The following MYT1 variants were observed in gnomAD, a reference collection of about 807,000 sequenced individuals.
The protein encoded by MYT1 is myelin transcription factor 1, also known as myelin transcription factor I.
In MYT1, 23 loss-of-function variants were observed where a neutral mutation model predicts 123.0. That is an observed-to-expected ratio of 0.19 (90% confidence interval 0.13 to 0.26). MYT1 has a LOEUF of 0.26. Among genes scored for constraint, MYT1 ranks in the 10% least tolerant of loss-of-function variants. The pLI, the probability that MYT1 is intolerant of heterozygous loss-of-function variation, is 1.00. For synonymous variants in MYT1, 518 were observed against 575.3 expected, an observed-to-expected ratio of 0.90 and a Z score of 1.43; for missense variants, 1,125 against 1,472.5, an observed-to-expected ratio of 0.76 and a Z score of 3.86.
intron 6 of MYT1, among the ~76,000 whole-genome samples, chr20:64,206,884 G>A (rs539621677): frequency 6.6e-6 from 1 of 152,258 alleles, no homozygotes; most frequent in African/African-American, 2.4e-5. Context: ...GCCTGCATGT[G>A]GTGAGCACCT....
intron 2 of MYT1, 78 bp from the exon 3 acceptor site, chr20:64,198,784 C>T: frequency 2.7e-6 from 4 of 1,504,542 alleles, no homozygotes; most frequent in Non-Finnish European, 2.8e-6. Context: ...CAGAAAATGG[C>T]CAGACATTCC....
chr20:64,223,591 G>A (rs1984076864), intron 16 of MYT1, among the ~76,000 whole-genome samples: 1 of 152,016 alleles, frequency 6.6e-6, no homozygotes, highest in Admixed American at 6.5e-5. Flanking sequence ...CTCCGCTGGG[G>A]GCTAGGGGTC....
chr20:64,184,760 G>T (rs1041081284), intron 1 of MYT1, among the ~76,000 whole-genome samples: 12 of 152,198 alleles, frequency 7.9e-5, no homozygotes, highest in African/African-American at 2.9e-4. Flanking sequence ...GACCCTCAGG[G>T]TTCTGGCTTG....
At chr20:64,211,383 C>T (rs371816775) in intron 8 of MYT1, 43 bp downstream of exon 8, 12 of 1,576,644 alleles carry the variant, frequency 7.6e-6, no homozygotes, top group Middle Eastern at 1.7e-4. Context: ...GTGAAGCTCA[C>T]GCTGCCTCTG....
chr20:64,188,620 T>G (rs892674451), intron 1 of MYT1, among the ~76,000 whole-genome samples: 2 of 152,190 alleles, frequency 1.3e-5, no homozygotes, highest in African/African-American at 4.8e-5. Flanking sequence ...AATCTTCCAA[T>G]ATGCTTTTCC....
At chr20:64,201,639 G>T (rs1298800956) in intron 4 of MYT1, among the ~76,000 whole-genome samples, 1 of 152,216 alleles carries the variant, frequency 6.6e-6, no homozygotes, top group African/African-American at 2.4e-5. Context: ...CCCAGCCATC[G>T]TGGGAGCATT....
intron 14 of MYT1, among the ~76,000 whole-genome samples, 196 bp from the exon 15 acceptor site, chr20:64,222,915 C>T (rs944789645): frequency 2.6e-5 from 4 of 152,224 alleles, no homozygotes; most frequent in African/African-American, 9.6e-5. Flanking sequence ...ACTTTTTCTT[C>T]TTGAGTTAAG....
intron 1 of MYT1, among the ~76,000 whole-genome samples, chr20:64,165,294 A>C (rs1209668729): frequency 2.0e-5 from 3 of 152,104 alleles, no homozygotes; most frequent in Non-Finnish European, 2.9e-5. Flanking sequence ...TCTAGGGTGC[A>C]TGCGTCTGTG....
intron 4 of MYT1, among the ~76,000 whole-genome samples, chr20:64,204,612 C>T (rs1434389416): frequency 6.6e-6 from 1 of 152,186 alleles, no homozygotes; most frequent in South Asian, 2.1e-4. Context: ...CTGTTACCCT[C>T]GAGGGCCATA....
chr20:64,235,377 C>G (rs538849568), intron 19 of MYT1, among the ~76,000 whole-genome samples: 1 of 123,146 alleles, frequency 8.1e-6, no homozygotes, highest in Non-Finnish European at 1.6e-5. Flanking sequence ...TGACACTGGG[C>G]TGGTGGTGGT....
chr20:64,211,451 C>CT (rs1157511314), intron 8 of MYT1, 111 bp downstream of exon 8: 1 of 1,179,004 alleles, frequency 8.5e-7, no homozygotes, highest in Non-Finnish European at 1.2e-6. Context: ...TAACCTTCCC[C>CT]TTTGGTTTGT....
Position 64,191,266 on chromosome 20 carries a change from C to A in MYT1, c.-1+1106C>A, listed in dbSNP as rs1393176314. ...CTTCCCAGGGTATAAGATCTCCCTT[C>A]GGGGACACTCCCGAACTGTGACATC... On this transcript the variant is annotated intron_variant, in intron 2 of 22. Transcript: ENST00000328439. The surrounding 1 kb of genome is among the most constrained non-coding windows in gnomAD (Gnocchi z 4.1). Among the ~76,000 whole-genome samples, 1 of 152,154 alleles carries A rather than the reference C, an allele frequency of 6.6e-6. No individual in the cohort carries two copies. Among genetic ancestry groups the A allele is most frequent in the Non-Finnish European group, 1.5e-5 (1 of 68,030 alleles).
At position 64,219,785 on chromosome 20, in the gene MYT1, G is replaced by C; in HGVS notation, c.2044G>C (p.Ala682Pro). 6 of 1,614,162 alleles carry C rather than the reference G, an allele frequency of 3.7e-6. No individual in the cohort carries two copies. In the South Asian group the frequency reaches 6.6e-5, roughly 18 times the overall value. Reference sequence around the variant, plus strand: ...GCACAAACACCGCAAACGAGAAAATGCTTTCCCCAGCAGCAGCAGCTGCAG... The same window carrying C: ...GCACAAACACCGCAAACGAGAAAATCCTTTCCCCAGCAGCAGCAGCTGCAG... ...SMHKHRKREN[A>P]FPSSSSCSSS... is the part of the protein sequence containing the mutation. Residue 682 changes from alanine (A) to proline (P), a missense_variant, in exon 13 of 23, where the codon GCT becomes CCT. Around this residue, in one of 4 missense-constraint regions of MYT1, gnomAD observed 429 missense variants for 604.1 expected, o/e 0.71. Coordinates refer to ENST00000328439, the MANE Select transcript of MYT1 (RefSeq NM_004535.3).
Position 64,237,605 on chromosome 20 carries a change from C to T in MYT1, c.3093+215C>T, listed in dbSNP as rs772416875. Among the ~76,000 whole-genome samples, 19 of 152,166 alleles carry T rather than the reference C, an allele frequency of 1.2e-4. 1 individual carries two copies. Among genetic ancestry groups the T allele is most frequent in the Non-Finnish European group, 2.2e-4 (15 of 68,012 alleles). On this transcript the variant is annotated intron_variant, in intron 21 of 22. Coordinates refer to ENST00000328439, the MANE Select transcript of MYT1 (RefSeq NM_004535.3). ...CACACTGTGAGTGCCAGTGGGCCGC[C>T]GGAGCTGGTTGTCCCGCCAGGGCTG...
At chr20:64,207,185 T>C (rs1478712380) in intron 6 of MYT1, among the ~76,000 whole-genome samples, 2 of 152,236 alleles carry the variant, frequency 1.3e-5, no homozygotes, top group African/African-American at 2.4e-5. Flanking sequence ...AGCCCATTCT[T>C]ATTTACTGAT....
intron 14 of MYT1, 70 bp downstream of exon 14, chr20:64,222,117 C>T (rs946632575): frequency 1.3e-6 from 2 of 1,563,336 alleles, no homozygotes; most frequent in African/African-American, 2.7e-5. Flanking sequence ...AGGCCCTGGT[C>T]CCAACCCATG....
Position 64,196,531 on chromosome 20 carries a change from C to T in MYT1, c.1-2331C>T. On this transcript the variant is annotated intron_variant, in intron 2 of 22. Transcript: ENST00000328439. The surrounding 1 kb of genome is among the most constrained non-coding windows in gnomAD (Gnocchi z 4.3). ...TAGCTCAGAAACCAGTGTCCCAAGT[C>T]ACCCAGCTCTTACGGGTTCATTCTC... Among the ~76,000 whole-genome samples, 1 of 152,252 alleles carries T rather than the reference C, an allele frequency of 6.6e-6. No individual in the cohort carries two copies. Among genetic ancestry groups the T allele is most frequent in the South Asian group, 2.1e-4 (1 of 4,834 alleles).
intron 1 of MYT1, among the ~76,000 whole-genome samples, chr20:64,188,561 T>G (rs1215462255): frequency 6.6e-6 from 1 of 152,134 alleles, no homozygotes; most frequent in African/African-American, 2.4e-5. Flanking sequence ...ATCTTCAAAG[T>G]GTGAAGCACA....
At chr20:64,177,651 C>T (rs1036873245) in intron 1 of MYT1, among the ~76,000 whole-genome samples, 1 of 149,968 alleles carries the variant, frequency 6.7e-6, no homozygotes, top group Non-Finnish European at 1.5e-5. Context: ...GGGCACCCCT[C>T]TCCAGGGCAG....
Sources: gnomAD v4.1 joint callset for allele counts (sites outside exome capture counted in the v4.1 genomes callset) on GRCh38, gnomAD v4.1.1 for gene constraint, gnomAD v4.1.1 regional missense constraint, Gnocchi (gnomAD v3.1) non-coding constraint, MANE v1.5 for transcripts, NCBI Gene and HGNC (gene_info 2026-07-23, HGNC 2026-07-21) for gene names.